GLIPR1L2: variants seen among roughly 807,000 people sequenced by gnomAD.
GLIPR1L2 encodes the protein GLIPR1 like 2, also known as GLIPR1-like protein 2.
A neutral mutation model predicts 28.4 loss-of-function variants in GLIPR1L2; 21 were observed. That is an observed-to-expected ratio of 0.74 (90% CI 0.52 to 1.06). The LOEUF is 1.06. Ranked by LOEUF, GLIPR1L2 falls within the 50% of genes least tolerant of loss-of-function variation. The pLI, the probability that GLIPR1L2 is intolerant of heterozygous loss-of-function variation, is 0.00. For missense variants in GLIPR1L2, 476 were observed against 416.9 expected, an observed-to-expected ratio of 1.14 and a Z score of -1.23; for synonymous variants, 145 against 139.3, an observed-to-expected ratio of 1.04 and a Z score of -0.29.
intron 1 of GLIPR1L2, among the ~76,000 whole-genome samples, chr12:75,404,446 T>C (rs1210475081): frequency 6.6e-6 from 1 of 152,128 alleles, no homozygotes; most frequent in Non-Finnish European, 1.5e-5. Flanking sequence ...GGTTTAGTAA[T>C]GTTGGTTTAA....
intron 1 of GLIPR1L2, among the ~76,000 whole-genome samples, chr12:75,398,407 A>G (rs1422266069): frequency 6.6e-6 from 1 of 151,464 alleles, no homozygotes. Flanking sequence ...TTTTTGACCT[A>G]GAAAACGCAA....
intron 1 of GLIPR1L2, among the ~76,000 whole-genome samples, chr12:75,405,123 G>A (rs1217477831): frequency 6.6e-6 from 1 of 152,114 alleles, no homozygotes; most frequent in African/African-American, 2.4e-5. Flanking sequence ...CGGCACTAAT[G>A]TATACAAACA....
At position 75,413,583 on chromosome 12, in the gene GLIPR1L2, A is replaced by G; in HGVS notation, c.481-15A>G. The G allele has an allele frequency of 6.8e-7, 1 of 1,470,764 alleles. No homozygotes were observed. The highest frequency in any genetic ancestry group is 9.2e-7 in the Non-Finnish European group (1 of 1,083,556). 91.1% of individuals were successfully genotyped at this position (1,470,764 alleles called of 1,614,324 possible). A position where few individuals can be genotyped will look rare whatever the true frequency, so the allele number is the denominator to read the frequency against. On this transcript the variant is annotated splice_polypyrimidine_tract_variant and intron_variant, in intron 2 of 5. Transcript: ENST00000550916. Reference sequence around the variant, plus strand: ...AAAATTAAATTTTGTGTCTTTCTTGAAAATTTTATTTTAGCTTGTTTGGGA... The same window carrying G: ...AAAATTAAATTTTGTGTCTTTCTTGGAAATTTTATTTTAGCTTGTTTGGGA...
At chr12:75,418,611 G>A (rs575482174) in intron 3 of GLIPR1L2, among the ~76,000 whole-genome samples, 27 of 152,240 alleles carry the variant, frequency 1.8e-4, no homozygotes, top group Non-Finnish European at 2.9e-4. Context: ...GTCGGGTAAC[G>A]TGATGCCTCC....
At chr12:75,428,671 C>T (rs1204411995) in intron 4 of GLIPR1L2, among the ~76,000 whole-genome samples, 1 of 152,172 alleles carries the variant, frequency 6.6e-6, no homozygotes, top group East Asian at 1.9e-4. Flanking sequence ...CATCACAGGC[C>T]CAGAGGCCTA....
At chr12:75,421,324 C>T (rs772300506) in intron 3 of GLIPR1L2, among the ~76,000 whole-genome samples, 61 of 152,210 alleles carry the variant, frequency 4.0e-4, no homozygotes, top group Non-Finnish European at 5.3e-4. Flanking sequence ...CCACAAACCT[C>T]TGGATGTTCC....
rs536237922 is a variant in GLIPR1L2 at position 75,400,929 on chromosome 12, A to ATG, written c.235-9497_235-9496dup. ...AGTGAGCATAATTTTATATATATATATGTGTGTGTATTTTTGTTATTTAAT... is the reference window on the plus strand; with the variant it reads ...AGTGAGCATAATTTTATATATATATATGTGTGTGTGTATTTTTGTTATTTAAT... On this transcript the variant is annotated intron_variant, in intron 1 of 5. Coordinates refer to ENST00000550916, the MANE Select transcript of GLIPR1L2 (RefSeq NM_001270396.2). Among the ~76,000 whole-genome samples, 1,115 of 151,808 alleles carry ATG rather than the reference A, an allele frequency of 7.3e-3. 18 individuals are homozygous for ATG. The highest frequency in any genetic ancestry group is 0.026 in the African/African-American group (1,060 of 41,416).
chr12:75,391,713 C>G (rs765975803), intron 1 of GLIPR1L2: 1 of 407,244 alleles, frequency 2.5e-6, no homozygotes, highest in Non-Finnish European at 4.5e-6. Context: ...AAAAATTTAA[C>G]AAAGACAGGT....
In GLIPR1L2 at chr12:75,409,624, CTT is replaced by C. The variant is rs563816037; in HGVS notation, c.235-809_235-808del. Among the ~76,000 whole-genome samples the C allele has an allele frequency of 1.9e-4, 27 of 144,780 alleles. No individual in the cohort carries two copies. In the East Asian group the frequency reaches 4.4e-3, roughly 24 times the overall value. The allele number at this position is 144,780 out of a possible 152,430, so 95.0% of individuals were successfully genotyped here. ...TCTCTGTCTTCTCTTATTCTCTAAT[CTT>C]ATATATATATATAGGATCTTATATA... On this transcript the variant is annotated intron_variant, in intron 1 of 5. Coordinates refer to ENST00000550916, the MANE Select transcript of GLIPR1L2 (RefSeq NM_001270396.2).
intron 1 of GLIPR1L2, among the ~76,000 whole-genome samples, chr12:75,405,185 G>A (rs1174922458): frequency 5.9e-5 from 9 of 152,106 alleles, no homozygotes; most frequent in Admixed American, 5.9e-4. Flanking sequence ...GTCAAGAGAA[G>A]GAGAAAGTAA....
In GLIPR1L2 at chr12:75,396,984, T is replaced by C. The variant is rs73191031; in HGVS notation, c.234+5634T>C. On this transcript the variant is annotated intron_variant, in intron 1 of 5. Transcript: ENST00000550916. ...CTTTTCTTTTTAATCTCTGTATCCA[T>C]GTCCATTGTTAAGACTAAAATTCTT... Among the ~76,000 whole-genome samples, 141 of 152,340 alleles carry C rather than the reference T, an allele frequency of 9.3e-4. 1 individual carries two copies. Among genetic ancestry groups the C allele is most frequent in the Non-Finnish European group, 1.4e-3 (93 of 68,034 alleles).
intron 1 of GLIPR1L2, among the ~76,000 whole-genome samples, chr12:75,404,512 T>A (rs2045775696): frequency 1.3e-5 from 2 of 152,082 alleles, no homozygotes. Flanking sequence ...CAAGCATATA[T>A]TTTTATTCTA....
intron 3 of GLIPR1L2, among the ~76,000 whole-genome samples, chr12:75,416,474 G>C (rs779583587): frequency 1.3e-5 from 2 of 152,074 alleles, no homozygotes; most frequent in Non-Finnish European, 2.9e-5. Context: ...AAAAGAGCTA[G>C]TAAAGGAGAA....
intron 1 of GLIPR1L2, among the ~76,000 whole-genome samples, chr12:75,396,511 T>G (rs1369793255): frequency 6.6e-6 from 1 of 152,222 alleles, no homozygotes; most frequent in Non-Finnish European, 1.5e-5. Flanking sequence ...GTGTGAATAG[T>G]AAACTTAATA....
chr12:75,422,952 A>G lies in GLIPR1L2; in HGVS notation c.633A>G (p.Arg211=). ...ATGAACCAGGAATATTTTGTACTCGATGTGGCAGACGTGACAAATGCACAG... is the reference window on the plus strand; with the variant it reads ...ATGAACCAGGAATATTTTGTACTCGGTGTGGCAGACGTGACAAATGCACAG... ...RPYEPGIFCT[R]CGRRDKCTDF... is the part of the protein sequence containing the mutation. The change falls in exon 4 of 6, where the codon CGA becomes CGG. Residue 211 remains arginine, a synonymous_variant. Transcript: ENST00000550916. The G allele has an allele frequency of 6.2e-7, 1 of 1,613,042 alleles. No homozygotes were observed. The highest frequency in any genetic ancestry group is 8.5e-7 in the Non-Finnish European group (1 of 1,179,670).
At position 75,430,849 on chromosome 12, in the gene GLIPR1L2, G is replaced by A. The variant is rs1342224705; in HGVS notation, c.723G>A (p.Trp241Ter). 5 of 1,533,556 alleles carry A rather than the reference G, an allele frequency of 3.3e-6. No homozygotes were observed. The highest frequency in any genetic ancestry group is 4.4e-6 in the Non-Finnish European group (5 of 1,145,222). 95.0% of individuals were successfully genotyped at this position (1,533,556 alleles called of 1,614,324 possible). A position where few individuals can be genotyped will look rare whatever the true frequency, so the allele number is the denominator to read the frequency against. Reference sequence around the variant, plus strand: ...ATTACCGATTTTGGTATCCAAAATGGGAAATGCCCCGGCCAGTTGTGTGTG... The same window carrying A: ...ATTACCGATTTTGGTATCCAAAATGAGAAATGCCCCGGCCAGTTGTGTGTG... ...ATYYRFWYPK[W>*]EMPRPVVCDP... Residue 241 changes from tryptophan (W) to a stop codon, truncating the protein, a stop_gained, in exon 6 of 6, where the codon TGG (tryptophan) becomes TGA (stop). Transcript: ENST00000550916. LOFTEE classifies it low-confidence loss of function (END_TRUNC).
intron 3 of GLIPR1L2, among the ~76,000 whole-genome samples, chr12:75,415,405 G>A (rs2045913909): frequency 6.6e-6 from 1 of 152,056 alleles, no homozygotes; most frequent in Non-Finnish European, 1.5e-5. Flanking sequence ...CTGTAGTACA[G>A]GCTACAGACT....
At chr12:75,396,554 T>C (rs1211536840) in intron 1 of GLIPR1L2, among the ~76,000 whole-genome samples, 6 of 152,216 alleles carry the variant, frequency 3.9e-5, no homozygotes, top group Admixed American at 3.9e-4. Flanking sequence ...TACTTCACAC[T>C]CTTGAATGAT....
At chr12:75,395,015 G>A (rs910433482) in intron 1 of GLIPR1L2, among the ~76,000 whole-genome samples, 4 of 151,776 alleles carry the variant, frequency 2.6e-5, no homozygotes, top group African/African-American at 9.7e-5. Flanking sequence ...TGGTGGAATG[G>A]TTTACCTAAT....
Sources: gnomAD v4.1 joint callset for allele counts (sites outside exome capture counted in the v4.1 genomes callset) on GRCh38, gnomAD v4.1.1 for gene constraint, MANE v1.5 for transcripts, NCBI Gene and HGNC (gene_info 2026-07-23, HGNC 2026-07-21) for gene names.